The following LARGE1 variants were observed in gnomAD, a reference collection of about 807,000 sequenced individuals.
The protein encoded by LARGE1 is LARGE xylosyl- and glucuronyltransferase 1.
In LARGE1, 43 loss-of-function variants were observed where a neutral mutation model predicts 87.6. The ratio of observed to expected loss-of-function variants is 0.49; its 90% confidence interval spans 0.38 to 0.63. LARGE1 has a LOEUF of 0.63. Ranked by LOEUF, LARGE1 falls within the 30% of genes least tolerant of loss-of-function variation. The pLI, the probability that LARGE1 is intolerant of heterozygous loss-of-function variation, is 0.00. For missense variants in LARGE1, 802 were observed against 1,000.2 expected, an observed-to-expected ratio of 0.80 and a Z score of 2.67; for synonymous variants, 434 against 394.6, an observed-to-expected ratio of 1.10 and a Z score of -1.18.
rs768609553 is a variant in LARGE1, at chr22:33,316,138, C to T, written c.1398G>A (p.Glu466=). 6.2e-7 allele frequency: 1 copy of T among 1,614,132 alleles called. No individual in the cohort carries two copies. Among genetic ancestry groups the T allele is most frequent in the Non-Finnish European group, 8.5e-7 (1 of 1,180,014 alleles). The stretch of plus-strand genomic sequence containing the variant: ...TGACGTCCGTGCTGTCTGCTGCAGG[C>T]TCATACTCGTAGTGCAGGAAGTACA... The part of the protein sequence containing the change: ...THLYFLHYEY[E]PAADSTDVTL... The change falls in exon 11 of 15, where the codon GAG becomes GAA. Residue 466 remains glutamate (E), a synonymous_variant. Coordinates refer to ENST00000397394, the MANE Select transcript of LARGE1 (RefSeq NM_133642.5).
chr22:33,636,566 C>A (rs1209485785), intron 3 of LARGE1, among the ~76,000 whole-genome samples: 1 of 152,188 alleles, frequency 6.6e-6, no homozygotes, highest in African/African-American at 2.4e-5. Flanking sequence ...CTTGCTCCGT[C>A]ACCCAGGCTG....
intron 9 of LARGE1, among the ~76,000 whole-genome samples, chr22:33,344,032 CTTT>C (rs1286773822): frequency 6.6e-6 from 1 of 152,144 alleles, no homozygotes; most frequent in Non-Finnish European, 1.5e-5. Flanking sequence ...CCAGTCTCTC[CTTT>C]TCACATTTTT....
chr22:33,272,089 A>G (rs1015312064), downstream of LARGE1, among the ~76,000 whole-genome samples: 1 of 152,228 alleles, frequency 6.6e-6, no homozygotes, highest in Non-Finnish European at 1.5e-5. Flanking sequence ...GTGGCTGGGC[A>G]TGAGTCAGGG....
At chr22:33,172,595 T>C (rs1245869329) in intron 11 of LARGE1, among the ~76,000 whole-genome samples, 1 of 152,114 alleles carries the variant, frequency 6.6e-6, no homozygotes, top group African/African-American at 2.4e-5. Context: ...TGATGTGAAT[T>C]CTCCACCCCT....
chr22:33,633,961 C>T (rs557757776), intron 3 of LARGE1, among the ~76,000 whole-genome samples: 12 of 152,264 alleles, frequency 7.9e-5, no homozygotes, highest in Middle Eastern at 3.4e-3. Flanking sequence ...TAAGTGGCCG[C>T]GTGATCTTGG....
chr22:33,888,506 G>A (rs934659288), intron 1 of LARGE1, among the ~76,000 whole-genome samples: 1 of 152,130 alleles, frequency 6.6e-6, no homozygotes, highest in African/African-American at 2.4e-5. Context: ...TCACACACGG[G>A]GGAGGTGGGT....
chr22:33,534,287 C>G (rs1366085575), intron 6 of LARGE1, among the ~76,000 whole-genome samples: 1 of 152,112 alleles, frequency 6.6e-6, no homozygotes, highest in African/African-American at 2.4e-5. Flanking sequence ...ACCTGTAGTC[C>G]CAGCTACTCG....
At chr22:33,272,297 G>C (rs1928316291), downstream of LARGE1, among the ~76,000 whole-genome samples, 1 of 152,182 alleles carries the variant, frequency 6.6e-6, no homozygotes, top group Non-Finnish European at 1.5e-5. Context: ...GAGTGCCTCT[G>C]TATCTGTGTA....
intron 1 of LARGE1, among the ~76,000 whole-genome samples, chr22:33,764,847 G>A (rs1317266905): frequency 1.3e-5 from 2 of 152,154 alleles, no homozygotes; most frequent in African/African-American, 4.8e-5. Flanking sequence ...GTATTGTTTA[G>A]AGAACGACAA....
intron 1 of LARGE1, among the ~76,000 whole-genome samples, chr22:33,843,104 C>T (rs1412378059): frequency 6.6e-6 from 1 of 152,174 alleles, no homozygotes; most frequent in East Asian, 1.9e-4. Context: ...CCAACCCAGG[C>T]TTTATCTCTT....
intron 2 of LARGE1, among the ~76,000 whole-genome samples, chr22:33,692,225 C>T (rs2082117509): frequency 6.6e-6 from 1 of 152,186 alleles, no homozygotes; most frequent in African/African-American, 2.4e-5. Flanking sequence ...AACACTGCTT[C>T]CTGATCTCAA....
At chr22:33,205,146 T>C (rs1345071948) in intron 11 of LARGE1, among the ~76,000 whole-genome samples, 1 of 152,224 alleles carries the variant, frequency 6.6e-6, no homozygotes, top group Non-Finnish European at 1.5e-5. Flanking sequence ...TTAAGACCTG[T>C]CTCAGATGCT....
chr22:33,758,872 CCAGA>C (rs1337696821), intron 2 of LARGE1, among the ~76,000 whole-genome samples: 1 of 152,186 alleles, frequency 6.6e-6, no homozygotes, highest in Non-Finnish European at 1.5e-5. Flanking sequence ...CATCCTGTGA[CCAGA>C]AATAGGCACA....
At chr22:33,295,658 G>T (rs1324632064) in intron 12 of LARGE1, among the ~76,000 whole-genome samples, 1 of 152,300 alleles carries the variant, frequency 6.6e-6, no homozygotes, top group African/African-American at 2.4e-5. Flanking sequence ...CAGGGAATAG[G>T]GTTTGCTCGA....
chr22:33,440,740 A>G (rs2067435866), intron 6 of LARGE1, among the ~76,000 whole-genome samples: 1 of 152,208 alleles, frequency 6.6e-6, no homozygotes, highest in African/African-American at 2.4e-5. Context: ...ATTTCCTGAG[A>G]AGATGCACAC....
chr22:33,663,925 G>C (rs868665383), intron 2 of LARGE1, among the ~76,000 whole-genome samples: 33 of 152,298 alleles, frequency 2.2e-4, no homozygotes, highest in African/African-American at 7.9e-4. Context: ...TCCAACACCT[G>C]GCTCAATAAT....
intron 9 of LARGE1, among the ~76,000 whole-genome samples, chr22:33,343,383 C>T (rs544135164): frequency 3.0e-4 from 45 of 152,232 alleles, no homozygotes; most frequent in African/African-American, 9.9e-4. Flanking sequence ...GCCTCCCAAA[C>T]GGCTAGGATT....
At position 33,195,756 on chromosome 22, in the gene LARGE1, CTT is replaced by C. The variant is rs71187249; in HGVS notation, c.1731-28926_1731-28925del. On this transcript the variant is annotated intron_variant, in intron 11 of 11. Transcript: ENST00000608642. ...AAAATTAATTTCTTTTTTCTTTTTT[CTT>C]TTTTTTTTTTTTTTGAGACGGAGTC... Among the ~76,000 whole-genome samples, 250 of 130,730 alleles carry C rather than the reference CTT, an allele frequency of 1.9e-3. 1 individual carries two copies. The highest frequency in any genetic ancestry group is 6.9e-3 in the African/African-American group (238 of 34,402). 85.8% of individuals were successfully genotyped at this position (130,730 alleles called of 152,430 possible). A position where few individuals can be genotyped will look rare whatever the true frequency, so the allele number is the denominator to read the frequency against.
intron 6 of LARGE1, among the ~76,000 whole-genome samples, chr22:33,500,534 A>G (rs978346051): frequency 6.6e-6 from 1 of 152,194 alleles, no homozygotes; most frequent in African/African-American, 2.4e-5. Context: ...TTAAAGAAAA[A>G]TTGGTCTCAT....
Sources: gnomAD v4.1 joint callset for allele counts (sites outside exome capture counted in the v4.1 genomes callset) on GRCh38, gnomAD v4.1.1 for gene constraint, MANE v1.5 for transcripts, NCBI Gene and HGNC (gene_info 2026-07-23, HGNC 2026-07-21) for gene names.